The following EXD3 variants were observed in gnomAD, a reference collection of about 807,000 sequenced individuals.
The protein encoded by EXD3 is exonuclease mut-7 homolog.
Under a neutral mutation model 98.0 loss-of-function variants are expected in EXD3, and 92 were observed. The observed-to-expected ratio is 0.94, with a 90% CI of 0.79 to 1.12. The LOEUF is 1.12. EXD3 is among the 50% of genes most tolerant of loss of function. EXD3 has a pLI of 0.00. For missense variants in EXD3, 1,222 were observed against 1,191.6 expected, an observed-to-expected ratio of 1.03 and a Z score of -0.38; for synonymous variants, 569 against 526.0, an observed-to-expected ratio of 1.08 and a Z score of -1.12.
At chr9:137,394,700 CG>C (rs569021624) in intron 2 of EXD3, among the ~76,000 whole-genome samples, 307 of 47,372 alleles carry the variant, frequency 6.5e-3, no homozygotes, top group African/African-American at 0.018. Flanking sequence ...GCAGGGCAGC[CG>C]AGCGAGCGGG....
At chr9:137,400,752 G>T (rs1475971294) in intron 1 of EXD3, among the ~76,000 whole-genome samples, 1 of 150,084 alleles carries the variant, frequency 6.7e-6, no homozygotes, top group Non-Finnish European at 1.5e-5. Flanking sequence ...GCAACAGAGC[G>T]AGACTCCATC....
Position 137,309,710 on chromosome 9 carries a change from A to G in EXD3, c.2185-10T>C. The G allele has an allele frequency of 6.5e-7, 1 of 1,549,810 alleles. No homozygotes were observed. The highest frequency in any genetic ancestry group is 8.7e-7 in the Non-Finnish European group (1 of 1,146,420). ...GGTCACAGTTACAGGCCTGGGGGCC[A>G]GAGGGGGTGCTGAGGCCCAGGCGGG... On this transcript the variant is annotated splice_polypyrimidine_tract_variant and intron_variant, in intron 19 of 21. Transcript: ENST00000340951.
At position 137,354,756 on chromosome 9, in the gene EXD3, C is replaced by G; in HGVS notation, c.775G>C (p.Ala259Pro). Residue 259 changes from alanine to proline, a missense_variant, in exon 9 of 22, where the codon GCC becomes CCC. By Grantham distance (27) the Ala-to-Pro change is conservative. Coordinates refer to ENST00000340951, the MANE Select transcript of EXD3 (RefSeq NM_017820.5). The stretch of plus-strand genomic sequence containing the variant: ...AGGGCCGCCAGGCGCTGCTGAATGG[C>G]CGCGTTGGGACACAGCGCTGAAAGG... Reference protein sequence around the residue: ...GVAPALCPNAAIQQRLAALRH... With the variant: ...GVAPALCPNAPIQQRLAALRH... The G allele has an allele frequency of 6.2e-7, 1 of 1,610,262 alleles. No homozygotes were observed. Among genetic ancestry groups the G allele is most frequent in the Non-Finnish European group, 8.5e-7 (1 of 1,179,566 alleles).
At chr9:137,382,056 CGCGGAGGAG>C (rs1836318030) in intron 3 of EXD3, among the ~76,000 whole-genome samples, 12 of 121,024 alleles carry the variant, frequency 9.9e-5, no homozygotes, top group Admixed American at 3.3e-4. Flanking sequence ...GGTGAGGGCG[CGCGGAGGAG>C]GTGAGGGCGC....
intron 7 of EXD3, among the ~76,000 whole-genome samples, chr9:137,363,869 A>C (rs2119284507): frequency 6.6e-6 from 1 of 152,292 alleles, no homozygotes; most frequent in East Asian, 1.9e-4. Context: ...TTAAGTTGCA[A>C]ACAATATCCC....
rs1009775454 is a variant in EXD3 at position 137,349,322 on chromosome 9, C to A, written c.1658-40G>T. The stretch of plus-strand genomic sequence containing the variant: ...GGCCTCAGCCTCCCGGGACAGAGGG[C>A]GGGAGGGGCGTGAGGAGGGGTCACT... On this transcript the variant is annotated intron_variant, in intron 15 of 21. Coordinates refer to ENST00000340951, the MANE Select transcript of EXD3 (RefSeq NM_017820.5). This position sits in a 1 kb window ranked among gnomAD's most constrained non-coding sequence, Gnocchi z 7.4. 6.5e-7 allele frequency: 1 copy of A among 1,544,026 alleles called. No individual in the cohort carries two copies.
rs1483011732 is a variant in EXD3, at chr9:137,373,484, C to T, written c.236G>A (p.Trp79Ter). 2 of 1,608,758 alleles carry T rather than the reference C, an allele frequency of 1.2e-6. No homozygotes were observed. The highest frequency in any genetic ancestry group is 1.3e-5 in the African/African-American group (1 of 74,982). ...QRGEGPSLAA[W>*]ISHQLQCWLQ... ...CCAGCACTGCAGCTGGTGGGAGATC[C>T]AGGCCGCCAGGGAGGGGCCCTCTCC... Residue 79 changes from tryptophan to a stop codon, truncating the protein, a stop_gained, in exon 4 of 22, where the codon TGG (tryptophan) becomes TAG (stop). Transcript: ENST00000340951. LOFTEE classifies it high-confidence loss of function.
intron 3 of EXD3, among the ~76,000 whole-genome samples, chr9:137,379,949 C>A (rs1836144645): frequency 6.6e-6 from 1 of 152,032 alleles, no homozygotes; most frequent in Non-Finnish European, 1.5e-5. Context: ...GCGCAAGCCA[C>A]ACATGGACCC....
chr9:137,412,678 C>T (rs1468409341), intron 1 of EXD3, among the ~76,000 whole-genome samples: 1 of 152,198 alleles, frequency 6.6e-6, no homozygotes, highest in Non-Finnish European at 1.5e-5. Flanking sequence ...CGGGGCCCCT[C>T]GGGAGGGAGT....
intron 7 of EXD3, chr9:137,366,212 A>C (rs1835245354): frequency 1.4e-6 from 1 of 702,816 alleles, no homozygotes; most frequent in Non-Finnish European, 2.6e-6. Context: ...TACGGTTGCC[A>C]TGCCTGCATG....
chr9:137,402,541 A>G (rs896235002), intron 1 of EXD3, among the ~76,000 whole-genome samples: 1 of 152,178 alleles, frequency 6.6e-6, no homozygotes, highest in Non-Finnish European at 1.5e-5. Context: ...CAGCCTGGAC[A>G]TTATTGTTCA....
chr9:137,325,497 A>G (rs986021260), intron 17 of EXD3, among the ~76,000 whole-genome samples: 1 of 152,032 alleles, frequency 6.6e-6, no homozygotes, highest in Non-Finnish European at 1.5e-5. Flanking sequence ...CAGTGGCACA[A>G]TCTCGGCTCA....
intron 19 of EXD3, among the ~76,000 whole-genome samples, chr9:137,315,134 G>A (rs1040310419): frequency 6.6e-6 from 1 of 152,200 alleles, no homozygotes; most frequent in Non-Finnish European, 1.5e-5. Context: ...TTAGCAGGGT[G>A]GGGGCTAGCG....
chr9:137,389,719 G>C (rs1836791894), intron 2 of EXD3, among the ~76,000 whole-genome samples: 1 of 152,202 alleles, frequency 6.6e-6, no homozygotes, highest in African/African-American at 2.4e-5. Flanking sequence ...TGCATGCAGA[G>C]AGGGACAGAG....
At chr9:137,354,030 G>A in intron 10 of EXD3, 1 of 1,183,728 alleles carries the variant, frequency 8.4e-7, no homozygotes, top group Non-Finnish European at 1.0e-6. Flanking sequence ...CACCTCTCTG[G>A]TGACTCTCAG....
intron 1 of EXD3, among the ~76,000 whole-genome samples, chr9:137,399,540 T>G (rs1183318254): frequency 6.6e-6 from 1 of 152,218 alleles, no homozygotes; most frequent in East Asian, 1.9e-4. Context: ...AGTTCTGGTT[T>G]TCTGAAGCTT....
chr9:137,387,634 G>A (rs1482014784), intron 2 of EXD3, among the ~76,000 whole-genome samples: 3 of 152,148 alleles, frequency 2.0e-5, no homozygotes, highest in Non-Finnish European at 4.4e-5. Flanking sequence ...ACCCCACTCA[G>A]CACACAGCAC....
In EXD3 at chr9:137,371,014, G is replaced by GC. The variant is rs1201757473; in HGVS notation, c.462+1890dup. ...CTCTTTCGGCCGGGCGCGGCGGTGA[G>GC]CAGTGGAGCATGCATCGCCTGCCGG... On this transcript the variant is annotated intron_variant, in intron 5 of 21. Coordinates refer to ENST00000340951, the MANE Select transcript of EXD3 (RefSeq NM_017820.5). The surrounding 1 kb of genome is among the most constrained non-coding windows in gnomAD (Gnocchi z 8.0). Among the ~76,000 whole-genome samples, 2 of 152,206 alleles carry GC rather than the reference G, an allele frequency of 1.3e-5. No homozygotes were observed. The highest frequency in any genetic ancestry group is 3.9e-4 in the East Asian group (2 of 5,188).
chr9:137,354,996 G>A (rs1834545712), intron 8 of EXD3, among the ~76,000 whole-genome samples: 1 of 152,058 alleles, frequency 6.6e-6, no homozygotes, highest in Admixed American at 6.6e-5. Flanking sequence ...GCACTTGTGT[G>A]GCGGGCCCTT....
Sources: gnomAD v4.1 joint callset for allele counts (sites outside exome capture counted in the v4.1 genomes callset) on GRCh38, gnomAD v4.1.1 for gene constraint, Gnocchi (gnomAD v3.1) non-coding constraint, MANE v1.5 for transcripts, NCBI Gene and HGNC (gene_info 2026-07-23, HGNC 2026-07-21) for gene names.